CCDC186: variants seen among roughly 807,000 people sequenced by gnomAD.
CCDC186 encodes coiled-coil domain containing 186.
In CCDC186, 49 loss-of-function variants were observed where a neutral mutation model predicts 113.7. The ratio of observed to expected loss-of-function variants is 0.43; its 90% CI spans 0.34 to 0.55. The LOEUF (loss-of-function observed/expected upper bound fraction) is 0.55. CCDC186 is among the 20% of genes least tolerant of loss of function. The probability of loss-of-function intolerance (pLI) is 0.02; values close to 1 mark genes in which losing one functional copy is unlikely to be tolerated. For missense variants in CCDC186, 890 were observed against 1,011.1 expected (o/e 0.88, Z 1.62); for synonymous variants, 355 against 345.8 (o/e 1.03, Z -0.30).
chr10:114,141,956 A>G (rs1269902112), intron 6 of CCDC186, among the ~76,000 whole-genome samples: 1 of 152,176 alleles, frequency 6.6e-6, no homozygotes, highest in Non-Finnish European at 1.5e-5. Flanking sequence ...TTGTTTTTTA[A>G]GGTAGAAGGG....
At chr10:114,171,497 A>G (rs1019996935) in intron 1 of CCDC186, among the ~76,000 whole-genome samples, 1 of 152,210 alleles carries the variant, frequency 6.6e-6, no homozygotes, top group African/African-American at 2.4e-5. Flanking sequence ...GCTACAGTGA[A>G]TTATGATCAT....
At chr10:114,147,791 A>T (rs2031691266) in intron 4 of CCDC186, among the ~76,000 whole-genome samples, 1 of 152,122 alleles carries the variant, frequency 6.6e-6, no homozygotes, top group Non-Finnish European at 1.5e-5. Flanking sequence ...TAGGGGGTAG[A>T]AAATAATCAA....
rs1481372618 is a variant in CCDC186 at position 114,139,876 on chromosome 10, G to A, written c.1222-2586C>T. On this transcript the variant is annotated intron_variant, in intron 6 of 15. Transcript: ENST00000369287. ...CTAAAAAGAGCCTGGCACATAGTAA[G>A]CACTTCATTCGCTCAAAAAATAGCA... 2.6e-5 allele frequency among the ~76,000 whole-genome samples: 4 copies of A among 152,142 alleles called. No homozygotes were observed. In the East Asian group the frequency reaches 7.7e-4, roughly 29 times the overall value.
At chr10:114,150,341 C>A (rs1416107028) in intron 4 of CCDC186, among the ~76,000 whole-genome samples, 1 of 152,020 alleles carries the variant, frequency 6.6e-6, no homozygotes, top group Non-Finnish European at 1.5e-5. Context: ...ATCATATATA[C>A]CAACTTAAAA....
intron 5 of CCDC186, 43 bp from the exon 6 acceptor site, chr10:114,144,659 C>A: frequency 6.6e-7 from 1 of 1,509,974 alleles, no homozygotes; most frequent in South Asian, 1.2e-5. Flanking sequence ...TTTATAGAAT[C>A]AATTAATTAT....
At position 114,174,000 on chromosome 10, in the gene CCDC186, C is replaced by T. The variant is rs1163069822; in HGVS notation, c.-62+15G>A. On this transcript the variant is annotated intron_variant, in intron 1 of 15. Transcript: ENST00000369287. ...CGACTCACCGGTGTGCCCCGAGTAC[C>T]CCTCAGACACTTACCCCACTTATCC... The T allele has an allele frequency of 6.4e-6, 3 of 469,986 alleles. No homozygotes were observed. Among genetic ancestry groups the T allele is most frequent in the Admixed American group, 2.3e-5 (1 of 42,568 alleles). The allele number at this position is 469,986 out of a possible 1,614,324, so 29.1% of individuals were successfully genotyped here. A position where few individuals can be genotyped will look rare whatever the true frequency, so the allele number is the denominator to read the frequency against.
At position 114,163,020 on chromosome 10, in the gene CCDC186, T is replaced by C; in HGVS notation, c.249A>G (p.Thr83=). The C allele has an allele frequency of 1.2e-6, 2 of 1,614,136 alleles. No homozygotes were observed. Among genetic ancestry groups the C allele is most frequent in the Non-Finnish European group, 8.5e-7 (1 of 1,180,000 alleles). ...HGGGEDSCAK[T]DTGSENSEQI... is the part of the protein sequence containing the mutation. Reference sequence around the variant, plus strand: ...GTTCAGAATTTTCTGAGCCTGTGTCTGTTTTGGCACAAGAATCCTCACCTC... The same window carrying C: ...GTTCAGAATTTTCTGAGCCTGTGTCCGTTTTGGCACAAGAATCCTCACCTC... The change falls in exon 2 of 16, where the codon ACA becomes ACG. Residue 83 remains threonine (T), a synonymous_variant. Transcript: ENST00000369287.
chr10:114,158,368 T>C (rs763176188), intron 2 of CCDC186, among the ~76,000 whole-genome samples: 23 of 152,176 alleles, frequency 1.5e-4, no homozygotes, highest in Non-Finnish European at 2.5e-4. Flanking sequence ...GCAAAGTGCT[T>C]AGAAATGTAA....
At chr10:114,158,179 T>C (rs1349122810) in intron 2 of CCDC186, among the ~76,000 whole-genome samples, 1 of 152,244 alleles carries the variant, frequency 6.6e-6, no homozygotes, top group Non-Finnish European at 1.5e-5. Flanking sequence ...ACAAAGAATC[T>C]GGCCCCAAGT....
chr10:114,126,017 C>T lies in CCDC186; in HGVS notation c.2482G>A (p.Gly828Ser), dbSNP rs771411721. 3 of 1,613,954 alleles carry T rather than the reference C, an allele frequency of 1.9e-6. No homozygotes were observed. The Admixed American group carries it at 5.0e-5, about 27-fold the overall frequency. ...GTATATAAAGATGCCATGATGCCAC[C>T]CCGTCTACTTAAATGAACTTTGTTA... ...DFNKVHLSRRGGIMASLYTSH... is the reference protein window; with the variant it reads ...DFNKVHLSRRSGIMASLYTSH... Residue 828 changes from glycine to serine, a missense_variant, in exon 15 of 16, where the codon GGT (glycine) becomes AGT (serine). Transcript: ENST00000369287.
chr10:114,125,414 C>T (rs1181376754), intron 15 of CCDC186, among the ~76,000 whole-genome samples, 188 bp from the exon 16 acceptor site: 1 of 152,124 alleles, frequency 6.6e-6, no homozygotes, highest in East Asian at 1.9e-4. Flanking sequence ...TTCAAAGTAA[C>T]ACTCAAACTT....
intron 6 of CCDC186, among the ~76,000 whole-genome samples, chr10:114,139,607 T>C (rs979411783): frequency 6.6e-6 from 1 of 151,800 alleles, no homozygotes; most frequent in African/African-American, 2.4e-5. Context: ...AAACTGTTTC[T>C]TACATGTCAT....
Position 114,162,975 on chromosome 10 carries a change from A to G in CCDC186, c.294T>C (p.Ser98=). The part of the protein sequence containing the change: ...ENSEQIANFP[S]GNFAKHISKT... ...TTGAAATATGTTTAGCAAAATTTCC[A>G]CTAGGAAAATTAGCTATTTGTTCAG... The change falls in exon 2 of 16, where the codon AGT becomes AGC. Residue 98 remains serine (S), a synonymous_variant. Coordinates refer to ENST00000369287, the MANE Select transcript of CCDC186 (RefSeq NM_018017.4). 1 of 1,613,872 alleles carries G rather than the reference A, an allele frequency of 6.2e-7. No homozygotes were observed. The highest frequency in any genetic ancestry group is 8.5e-7 in the Non-Finnish European group (1 of 1,179,920).
rs2031077974 is a variant in CCDC186 at position 114,131,278 on chromosome 10, G to A, written c.1970C>T (p.Ala657Val). 6.2e-7 allele frequency: 1 copy of A among 1,601,426 alleles called. No individual in the cohort carries two copies. Among genetic ancestry groups the A allele is most frequent in the East Asian group, 2.3e-5 (1 of 43,934 alleles). The change falls in exon 12 of 16, where the codon GCT becomes GTT. Residue 657 changes from alanine to valine, a missense_variant. Transcript: ENST00000369287. ...TTCTGTTTGTCTACAAGCGAGTTCA[G>A]CTTGCAGAGTTTGGACTTCCTCTTT... ...LRKEEVQTLQ[A>V]ELACRQTEVK... is the part of the protein sequence containing the mutation.
chr10:114,123,424 C>T lies in CCDC186; in HGVS notation c.*1719G>A, dbSNP rs1020088455. On this transcript the variant is annotated 3_prime_UTR_variant, in exon 16 of 16. Transcript: ENST00000369287. ...TAATCCTTAGTAAATTATTTTTAAA[C>T]GATGTTGATTAAAAAATGTTAAAAC... 4.0e-5 allele frequency: 6 copies of T among 151,856 alleles called. No individual in the cohort carries two copies. The highest frequency in any genetic ancestry group is 2.1e-4 in the South Asian group (1 of 4,816). The allele number at this position is 151,856 out of a possible 1,614,324, so 9.4% of individuals were successfully genotyped here.
Position 114,144,452 on chromosome 10 carries a change from A to C in CCDC186, c.1221+45T>G, listed in dbSNP as rs1023439170. 5 of 1,561,956 alleles carry C rather than the reference A, an allele frequency of 3.2e-6. No homozygotes were observed. The Middle Eastern group carries it at 5.2e-4, about 162-fold the overall frequency. On this transcript the variant is annotated intron_variant, in intron 6 of 15. Transcript: ENST00000369287. The stretch of plus-strand genomic sequence containing the variant: ...AAAAACAAAAACAAAAACAAAAACA[A>C]AAAAACTCATTCTAATCATTATTCC...
intron 2 of CCDC186, chr10:114,161,697 T>C (rs2032172114): frequency 6.6e-6 from 1 of 152,106 alleles, no homozygotes; most frequent in South Asian, 2.1e-4. Flanking sequence ...TTGGGGGTAA[T>C]ATCAAGAAGG....
chr10:114,144,266 T>A (rs771597196), intron 6 of CCDC186, among the ~76,000 whole-genome samples: 1 of 152,142 alleles, frequency 6.6e-6, no homozygotes, highest in African/African-American at 2.4e-5. Context: ...CCCCATTTAA[T>A]ATGTAAATAA....
chr10:114,149,328 G>A (rs146741870), intron 4 of CCDC186, among the ~76,000 whole-genome samples: 2,963 of 151,828 alleles, frequency 0.02, 58 homozygotes, highest in Middle Eastern at 0.027. Context: ...AAAAGCCAGG[G>A]GAGGAAAAAA....
Sources: allele counts gnomAD v4.1 joint callset (sites outside exome capture counted in the v4.1 genomes callset), GRCh38; gene constraint gnomAD v4.1.1; transcripts MANE v1.5; gene names NCBI Gene and HGNC (gene_info 2026-07-23, HGNC 2026-07-21).